Variants in IDE observed in about 807,000 individuals in gnomAD.
The protein encoded by IDE is insulin-degrading enzyme.
IDE carries 58 observed loss-of-function variants against 133.2 expected under a neutral mutation model. That is an observed-to-expected ratio of 0.44 (90% CI 0.35 to 0.54). IDE has a LOEUF of 0.54. Ranked by LOEUF, IDE falls within the 20% of genes least tolerant of loss-of-function variation. IDE has a pLI of 0.00. For synonymous variants in IDE, 396 were observed against 421.3 expected (o/e 0.94, Z 0.73); for missense variants, 981 against 1,234.0 (o/e 0.79, Z 3.07).
rs540564053 is a variant in IDE at position 92,573,013 on chromosome 10, G to A, written c.98+909C>T. 5.1e-6 allele frequency: 5 copies of A among 985,300 alleles called. No individual in the cohort carries two copies. In the East Asian group the frequency reaches 4.5e-4, roughly 89 times the overall value. 61.0% of individuals were successfully genotyped at this position (985,300 alleles called of 1,614,324 possible). A position where few individuals can be genotyped will look rare whatever the true frequency, so the allele number is the denominator to read the frequency against. On this transcript the variant is annotated intron_variant, in intron 1 of 24. Coordinates refer to ENST00000265986, the MANE Select transcript of IDE (RefSeq NM_004969.4). ...TACTTTACATAGAGGGTCCAGCACA[G>A]TGCCCTGCACTTAGTAGGTGCTGGC... is the stretch of plus-strand genomic sequence containing the variant.
intron 14 of IDE, among the ~76,000 whole-genome samples, chr10:92,481,595 T>C (rs913275736): frequency 1.3e-5 from 2 of 152,250 alleles, no homozygotes; most frequent in African/African-American, 2.4e-5. Flanking sequence ...AGATACTATA[T>C]GCTTAAATAT....
chr10:92,504,897 A>G lies in IDE; in HGVS notation c.1327T>C (p.Tyr443His), dbSNP rs1275159763. Residue 443 changes from tyrosine (Y) to histidine (H), a missense_variant and splice_region_variant, in exon 11 of 25, where the codon TAT (tyrosine) becomes CAT (histidine). This residue lies in a region of IDE where 660 missense variants were observed against 894.7 expected (regional missense o/e 0.74). Transcript: ENST00000265986. ...GTGAGCACCTCTTCTAGGGGATAAT[A>G]CTTTTAAAAAGGAAAATATAAATAA... is the stretch of plus-strand genomic sequence containing the variant. ...YTSKIAGILH[Y>H]YPLEEVLTAE... 3 of 1,426,410 alleles carry G rather than the reference A, an allele frequency of 2.1e-6. No individual in the cohort carries two copies. In the East Asian group the frequency reaches 7.0e-5, roughly 33 times the overall value. 88.4% of individuals were successfully genotyped at this position (1,426,410 alleles called of 1,614,324 possible).
chr10:92,529,773 T>C (rs1849817201), intron 4 of IDE, among the ~76,000 whole-genome samples: 1 of 152,154 alleles, frequency 6.6e-6, no homozygotes, highest in Non-Finnish European at 1.5e-5. Context: ...ATTCACTGGA[T>C]TTATTTCTGG....
At chr10:92,567,281 C>G (rs1410308658) in intron 1 of IDE, among the ~76,000 whole-genome samples, 1 of 152,138 alleles carries the variant, frequency 6.6e-6, no homozygotes, top group Non-Finnish European at 1.5e-5. Context: ...TGGGTCTCCC[C>G]GACAAGAGTT....
rs1238389124 is a variant in IDE at position 92,511,148 on chromosome 10, C to CTGGA, written c.785-990_785-987dup. 4.9e-5 allele frequency among the ~76,000 whole-genome samples: 7 copies of CTGGA among 141,790 alleles called. No individual in the cohort carries two copies. In the East Asian group the frequency reaches 1.5e-3, roughly 29 times the overall value. 93.0% of individuals were successfully genotyped at this position (141,790 alleles called of 152,430 possible). On this transcript the variant is annotated intron_variant, in intron 5 of 24. Coordinates refer to ENST00000265986, the MANE Select transcript of IDE (RefSeq NM_004969.4). ...GCAAGGTATTGCTCTGTTGCACAGG[C>CTGGA]TGGAGTGCAGTGGCACAATCCCAGC...
In IDE at chr10:92,490,542, C is replaced by G; in HGVS notation, c.1484G>C (p.Trp495Ser). Residue 495 changes from tryptophan (W) to serine (S), a missense_variant, in exon 12 of 25, where the codon TGG becomes TCG. By Grantham distance (177) the Trp-to-Ser change is radical. Around this residue, in one of 2 missense-constraint regions of IDE, gnomAD observed 660 missense variants for 894.7 expected, o/e 0.74. Coordinates refer to ENST00000265986, the MANE Select transcript of IDE (RefSeq NM_004969.4). ...FEGKTDRTEE[W>S]YGTQYKQEAI... ...TTCTTGTTTGTACTGGGTTCCATAC[C>G]ACTCTTCTGTGCGATCAGTTTTTCC... 1 of 1,613,314 alleles carries G rather than the reference C, an allele frequency of 6.2e-7. No homozygotes were observed. Among genetic ancestry groups the G allele is most frequent in the East Asian group, 2.2e-5 (1 of 44,868 alleles).
At chr10:92,485,395 A>G (rs1372989803) in intron 13 of IDE, among the ~76,000 whole-genome samples, 1 of 152,088 alleles carries the variant, frequency 6.6e-6, no homozygotes, top group African/African-American at 2.4e-5. Context: ...CTGGGATTAC[A>G]GGCGTGAGCC....
At chr10:92,532,778 A>G (rs943169012) in intron 3 of IDE, among the ~76,000 whole-genome samples, 2 of 152,004 alleles carry the variant, frequency 1.3e-5, no homozygotes, top group Non-Finnish European at 2.9e-5. Context: ...GATTCAGATG[A>G]AGCTAAGAGC....
chr10:92,514,833 T>C, intron 5 of IDE, 87 bp downstream of exon 5: 1 of 1,085,086 alleles, frequency 9.2e-7, no homozygotes, highest in Non-Finnish European at 1.3e-6. Flanking sequence ...AGCAGCTCTA[T>C]CTTATATCCA....
chr10:92,468,211 G>A (rs754505834), intron 19 of IDE, among the ~76,000 whole-genome samples: 4 of 152,104 alleles, frequency 2.6e-5, no homozygotes, highest in Admixed American at 6.5e-5. Flanking sequence ...TAAAATAGCT[G>A]GGGGGAAAAG....
At chr10:92,501,907 G>T (rs1049981542) in intron 11 of IDE, among the ~76,000 whole-genome samples, 2 of 152,030 alleles carry the variant, frequency 1.3e-5, no homozygotes, top group Non-Finnish European at 2.9e-5. Context: ...CCTGGGAGGC[G>T]GAGGTTGCAG....
chr10:92,539,439 CA>C (rs1842191195), intron 1 of IDE, among the ~76,000 whole-genome samples: 4 of 152,060 alleles, frequency 2.6e-5, no homozygotes, highest in Non-Finnish European at 5.9e-5. Context: ...TTGGAAAATT[CA>C]AAAGCAACTT....
intron 23 of IDE, among the ~76,000 whole-genome samples, 200 bp downstream of exon 23, chr10:92,456,159 G>C (rs1447395983): frequency 6.6e-6 from 1 of 152,154 alleles, no homozygotes; most frequent in African/African-American, 2.4e-5. Context: ...GCTGTGGCTA[G>C]CTCGGCATTC....
chr10:92,468,329 T>C (rs752620506), intron 19 of IDE, among the ~76,000 whole-genome samples: 16 of 152,212 alleles, frequency 1.1e-4, no homozygotes, highest in Non-Finnish European at 5.9e-5. Flanking sequence ...TTTTGAGCAA[T>C]ATTGACAATA....
At chr10:92,509,409 A>G (rs940902059) in intron 6 of IDE, among the ~76,000 whole-genome samples, 5 of 152,118 alleles carry the variant, frequency 3.3e-5, no homozygotes, top group Middle Eastern at 3.2e-3. Flanking sequence ...CCTGGCCAAC[A>G]TGGTGAAACC....
At chr10:92,485,664 C>T (rs180955502) in intron 13 of IDE, among the ~76,000 whole-genome samples, 11 of 152,224 alleles carry the variant, frequency 7.2e-5, no homozygotes, top group Admixed American at 2.0e-4. Flanking sequence ...CAGCAAAAGT[C>T]GGATATGGTA....
At chr10:92,457,712 C>T (rs1172361585) in intron 22 of IDE, among the ~76,000 whole-genome samples, 1 of 152,158 alleles carries the variant, frequency 6.6e-6, no homozygotes, top group Non-Finnish European at 1.5e-5. Context: ...ACCAAATCCA[C>T]TCAACAGTTA....
intron 1 of IDE, among the ~76,000 whole-genome samples, chr10:92,554,181 A>G (rs1842909298): frequency 6.6e-6 from 1 of 152,232 alleles, no homozygotes; most frequent in Non-Finnish European, 1.5e-5. Flanking sequence ...ACATCAACAC[A>G]CTTATTGCAA....
chr10:92,522,143 G>T (rs1589466820), intron 4 of IDE, among the ~76,000 whole-genome samples: 1 of 152,150 alleles, frequency 6.6e-6, no homozygotes, highest in East Asian at 1.9e-4. Context: ...TTGTATTAGA[G>T]TCTGATTTGG....
Sources: allele counts gnomAD v4.1 joint callset (sites outside exome capture counted in the v4.1 genomes callset), GRCh38; gene constraint gnomAD v4.1.1; regional missense constraint gnomAD v4.1.1; transcripts MANE v1.5; gene names NCBI Gene and HGNC (gene_info 2026-07-23, HGNC 2026-07-21).